Variants in MARK2 observed in about 807,000 individuals in gnomAD.
MARK2 encodes microtubule affinity regulating kinase 2, also known as serine/threonine-protein kinase MARK2.
MARK2 carries 16 observed loss-of-function variants against 89.8 expected under a neutral mutation model. The ratio of observed to expected loss-of-function variants is 0.18; its 90% CI spans 0.12 to 0.27. The LOEUF is 0.27. Ranked by LOEUF, MARK2 falls within the 10% of genes least tolerant of loss-of-function variation. MARK2 has a pLI of 1.00. For synonymous variants in MARK2, 382 were observed against 399.5 expected (o/e 0.96, Z 0.52); for missense variants, 621 against 1,049.9 (o/e 0.59, Z 5.65).
intron 1 of MARK2, among the ~76,000 whole-genome samples, chr11:63,869,526 T>TGGAGAGTCTG (rs1457656069): frequency 1.3e-5 from 2 of 152,026 alleles, no homozygotes; most frequent in African/African-American, 4.8e-5. Context: ...TTATGGTATG[T>TGGAGAGTCTG]GGAGAGTCTG....
chr11:63,874,726 C>T (rs1244974916), intron 1 of MARK2, among the ~76,000 whole-genome samples: 1 of 152,148 alleles, frequency 6.6e-6, no homozygotes. Flanking sequence ...TGCAGCAGAA[C>T]TTGTCGGCCC....
chr11:63,899,433 G>C (rs1307725058), intron 7 of MARK2, among the ~76,000 whole-genome samples: 1 of 152,082 alleles, frequency 6.6e-6, no homozygotes, highest in South Asian at 2.1e-4. Flanking sequence ...AGTCTTTCAG[G>C]CAACCTGGTA....
intron 1 of MARK2, among the ~76,000 whole-genome samples, chr11:63,881,402 AG>A (rs967429173): frequency 2.0e-5 from 3 of 152,186 alleles, no homozygotes; most frequent in African/African-American, 7.2e-5. Context: ...GCCTCGAAAG[AG>A]GGGAAATGGG....
At chr11:63,890,277 T>C (rs761795059) in intron 1 of MARK2, 1 of 1,345,652 alleles carries the variant, frequency 7.4e-7, no homozygotes. Flanking sequence ...TCTTACAGCA[T>C]AGAAGAAGGG....
chr11:63,865,221 T>G (rs1938061792), intron 1 of MARK2, among the ~76,000 whole-genome samples: 1 of 152,192 alleles, frequency 6.6e-6, no homozygotes, highest in African/African-American at 2.4e-5. Context: ...ATTTCTAAAC[T>G]ACTTTAGAAC....
chr11:63,861,244 G>A (rs950860951), intron 1 of MARK2, among the ~76,000 whole-genome samples: 1 of 152,110 alleles, frequency 6.6e-6, no homozygotes, highest in Admixed American at 6.5e-5. Flanking sequence ...GACCAGCCTG[G>A]CCAAGATGGT....
rs553836469 is a variant in MARK2, at chr11:63,895,527, C to T, written c.235-53C>T. On this transcript the variant is annotated intron_variant, in intron 2 of 18. Transcript: ENST00000402010. The stretch of plus-strand genomic sequence containing the variant: ...ATAAAGGAGGAAGTAGATTGGAATC[C>T]TGGGTTTCGCTGGTCAGAGAAGTGA... The T allele has an allele frequency of 3.0e-4, 467 of 1,549,572 alleles. 3 individuals carry two copies. In the South Asian group the frequency reaches 5.0e-3, roughly 17 times the overall value.
In MARK2 at chr11:63,901,214, A is replaced by G. The variant is rs140770183; in HGVS notation, c.1101+145A>G. 1.2e-4 allele frequency: 75 copies of G among 646,508 alleles called. No homozygotes were observed. The East Asian group carries it at 1.9e-3, about 17-fold the overall frequency. 40.0% of individuals were successfully genotyped at this position (646,508 alleles called of 1,614,324 possible). On this transcript the variant is annotated intron_variant, in intron 11 of 18. Transcript: ENST00000402010. ...ATTTTAAGCCTCAGCTTTGGTGTCT[A>G]AGGTCCTCTGGCCCATTCACTGATC...
At chr11:63,840,623 C>T (rs917553514) in intron 1 of MARK2, among the ~76,000 whole-genome samples, 1 of 152,110 alleles carries the variant, frequency 6.6e-6, no homozygotes, top group Non-Finnish European at 1.5e-5. Flanking sequence ...TGCTTGTTGC[C>T]TTCCTGTTTC....
At chr11:63,869,757 C>T (rs1784841297) in intron 1 of MARK2, among the ~76,000 whole-genome samples, 1 of 152,184 alleles carries the variant, frequency 6.6e-6, no homozygotes, top group Admixed American at 6.5e-5. Flanking sequence ...GTGAGGTTTA[C>T]TTCCGGAGCC....
intron 1 of MARK2, among the ~76,000 whole-genome samples, chr11:63,881,684 G>A (rs1274554571): frequency 4.0e-5 from 6 of 151,830 alleles, no homozygotes; most frequent in South Asian, 4.2e-4. Context: ...GGTGGCTCAC[G>A]CCTGTAATCC....
At chr11:63,894,746 G>C (rs764539458) in intron 1 of MARK2, among the ~76,000 whole-genome samples, 22 of 152,138 alleles carry the variant, frequency 1.4e-4, no homozygotes, top group Non-Finnish European at 2.5e-4. Context: ...TTTGGGTGGC[G>C]ATGAGGGCGT....
At chr11:63,841,519 C>G (rs530423337) in intron 1 of MARK2, among the ~76,000 whole-genome samples, 1 of 152,352 alleles carries the variant, frequency 6.6e-6, no homozygotes, top group Non-Finnish European at 1.5e-5. Context: ...TTTCTCTCTC[C>G]TTACTGGGAA....
intron 3 of MARK2, among the ~76,000 whole-genome samples, chr11:63,896,691 G>A (rs543056750): frequency 1.3e-5 from 2 of 152,280 alleles, no homozygotes; most frequent in South Asian, 2.1e-4. Context: ...TTACCCCTGG[G>A]ATCCCTTCAA....
intron 17 of MARK2, among the ~76,000 whole-genome samples, chr11:63,906,827 G>GC (rs1941379777): frequency 9.6e-6 from 1 of 103,696 alleles, no homozygotes; most frequent in Non-Finnish European, 2.0e-5. Flanking sequence ...CCGCACCCCT[G>GC]CCCCAGCACC....
chr11:63,856,938 GCT>G (rs2016894807), intron 1 of MARK2, among the ~76,000 whole-genome samples: 2 of 151,454 alleles, frequency 1.3e-5, no homozygotes, highest in African/African-American at 2.4e-5. Flanking sequence ...CTCCCGAGTA[GCT>G]GGGAGGGACT....
chr11:63,901,422 G>GGTGTGTGTGTGT lies in MARK2; in HGVS notation c.1101+356_1101+367dup, dbSNP rs147425490. On this transcript the variant is annotated intron_variant, in intron 11 of 18. Transcript: ENST00000402010. ...TTGTATCTGGAAGTGTACATTTCTG[G>GGTGTGTGTGTGT]GTGTGTGTGTGTGTCTCTGTGTGTG... Among the ~76,000 whole-genome samples the GGTGTGTGTGTGT allele has an allele frequency of 3.9e-3, 539 of 139,576 alleles. 3 individuals carry two copies. Among genetic ancestry groups the GGTGTGTGTGTGT allele is most frequent in the African/African-American group, 7.4e-3 (274 of 36,786 alleles). The allele number at this position is 139,576 out of a possible 152,430, so 91.6% of individuals were successfully genotyped here.
At chr11:63,839,700 G>A in intron 1 of MARK2, 140 bp downstream of exon 1, 1 of 641,514 alleles carries the variant, frequency 1.6e-6, no homozygotes, top group Non-Finnish European at 2.7e-6. Context: ...TCCTGGCTCC[G>A]GCTCCGCACA....
intron 1 of MARK2, among the ~76,000 whole-genome samples, chr11:63,885,539 G>GA (rs1047287682): frequency 4.7e-5 from 7 of 149,550 alleles, no homozygotes; most frequent in South Asian, 4.3e-4. Context: ...ACCTTGTCTT[G>GA]AAAAAAAAAG....
Sources: gnomAD v4.1 joint callset for allele counts (sites outside exome capture counted in the v4.1 genomes callset) on GRCh38, gnomAD v4.1.1 for gene constraint, MANE v1.5 for transcripts, NCBI Gene and HGNC (gene_info 2026-07-23, HGNC 2026-07-21) for gene names.